The following LIFR variants were observed in gnomAD, a reference collection of about 807,000 sequenced individuals.
LIFR encodes the protein leukemia inhibitory factor receptor.
A neutral mutation model predicts 122.2 loss-of-function variants in LIFR; 84 were observed. The observed-to-expected ratio is 0.69, with a 90% CI of 0.58 to 0.82. The LOEUF (loss-of-function observed/expected upper bound fraction) is 0.82. LIFR is among the 40% of genes least tolerant of loss of function. LIFR has a pLI of 0.00. For synonymous variants in LIFR, 422 were observed against 434.7 expected (o/e 0.97, Z 0.36); for missense variants, 1,294 against 1,311.6 (o/e 0.99, Z 0.21).
chr5:38,515,237 G>A (rs1051118484), intron 5 of LIFR, among the ~76,000 whole-genome samples: 5 of 152,146 alleles, frequency 3.3e-5, no homozygotes, highest in African/African-American at 1.2e-4. Flanking sequence ...CTGGCCACAA[G>A]CGGTCTCGGC....
Position 38,496,614 on chromosome 5 carries a change from T to C in LIFR, c.1672-19A>G, listed in dbSNP as rs1184455315. On this transcript the variant is annotated intron_variant, in intron 12 of 19. Coordinates refer to ENST00000453190, the MANE Select transcript of LIFR (RefSeq NM_001127671.2). ...GTAAAGGCTATGAAAAACAGACAAATTGTTATAAAACCCTGCAAAACGTGA... is the reference window on the plus strand; with the variant it reads ...GTAAAGGCTATGAAAAACAGACAAACTGTTATAAAACCCTGCAAAACGTGA... 3 of 1,569,276 alleles carry C rather than the reference T, an allele frequency of 1.9e-6. No individual in the cohort carries two copies. In the South Asian group the frequency reaches 3.3e-5, roughly 17 times the overall value.
intron 1 of LIFR, among the ~76,000 whole-genome samples, chr5:38,551,446 C>T (rs2112653368): frequency 6.6e-6 from 1 of 152,332 alleles, no homozygotes; most frequent in Non-Finnish European, 1.5e-5. Flanking sequence ...ATTTCTGTCA[C>T]CTCTTGCTAT....
intron 1 of LIFR, among the ~76,000 whole-genome samples, chr5:38,553,668 A>ATATT (rs1748359781): frequency 8.9e-6 from 1 of 111,766 alleles, no homozygotes; most frequent in Non-Finnish European, 1.8e-5. Flanking sequence ...ATATATATAT[A>ATATT]TATATTATAT....
intron 9 of LIFR, 59 bp downstream of exon 9, chr5:38,505,846 T>A: frequency 8.6e-7 from 1 of 1,167,194 alleles, no homozygotes; most frequent in Admixed American, 2.0e-5. Flanking sequence ...GCATTTTTCA[T>A]TAAAGCATTT....
chr5:38,606,931 A>G (rs1750341439), intron 1 of LIFR, among the ~76,000 whole-genome samples: 5 of 152,226 alleles, frequency 3.3e-5, no homozygotes, highest in Admixed American at 3.3e-4. Flanking sequence ...AGAATTAATT[A>G]GTATTTATTA....
chr5:38,602,961 A>G (rs1419547850), intron 2 of LIFR, among the ~76,000 whole-genome samples: 1 of 152,192 alleles, frequency 6.6e-6, no homozygotes, highest in Non-Finnish European at 1.5e-5. Flanking sequence ...ACCACTGGAG[A>G]AGGGAAGAGA....
At chr5:38,538,992 G>A (rs1417496284) in intron 1 of LIFR, among the ~76,000 whole-genome samples, 2 of 151,428 alleles carry the variant, frequency 1.3e-5, no homozygotes, top group Non-Finnish European at 2.9e-5. Context: ...ACGGAGTCTC[G>A]CTCTGTCACC....
chr5:38,541,028 C>G (rs1343440027), intron 1 of LIFR, among the ~76,000 whole-genome samples: 1 of 152,110 alleles, frequency 6.6e-6, no homozygotes, highest in Non-Finnish European at 1.5e-5. Context: ...CAAAATAATT[C>G]AAAATTTTTT....
At position 38,485,764 on chromosome 5, in the gene LIFR, C is replaced by T. The variant is rs146189799; in HGVS notation, c.2497+55G>A. On this transcript the variant is annotated intron_variant, in intron 17 of 19. Coordinates refer to ENST00000453190, the MANE Select transcript of LIFR (RefSeq NM_001127671.2). ...GGGTTCCTACATAAACCAAGAATCACTAGAACACTACGCATGCAGGATGGA... is the reference window on the plus strand; with the variant it reads ...GGGTTCCTACATAAACCAAGAATCATTAGAACACTACGCATGCAGGATGGA... The T allele has an allele frequency of 3.1e-5, 50 of 1,594,852 alleles. No homozygotes were observed. In the East Asian group the frequency reaches 1.1e-3, roughly 34 times the overall value.
At chr5:38,484,654 AT>A (rs1049483137) in intron 18 of LIFR, 120 bp downstream of exon 18, 6 of 706,552 alleles carry the variant, frequency 8.5e-6, no homozygotes, top group East Asian at 8.4e-5. Context: ...TAATTAAAAC[AT>A]TTTTTAACTA....
chr5:38,607,393 T>C (rs887037710), intron 1 of LIFR, among the ~76,000 whole-genome samples: 4 of 152,184 alleles, frequency 2.6e-5, no homozygotes, highest in Non-Finnish European at 5.9e-5. Flanking sequence ...AATTATAAAA[T>C]CTTTTTTGTC....
At chr5:38,541,215 C>T (rs951464934) in intron 1 of LIFR, among the ~76,000 whole-genome samples, 1 of 152,154 alleles carries the variant, frequency 6.6e-6, no homozygotes, top group Non-Finnish European at 1.5e-5. Context: ...AAAAACATAA[C>T]AGCACCTAAA....
At chr5:38,494,018 G>A (rs974469009) in intron 13 of LIFR, among the ~76,000 whole-genome samples, 1 of 152,122 alleles carries the variant, frequency 6.6e-6, no homozygotes, top group South Asian at 2.1e-4. Flanking sequence ...AAAGAAAGTC[G>A]TTTTTAAAAA....
At chr5:38,598,225 T>TAA (rs1750147908), upstream of LIFR, among the ~76,000 whole-genome samples, 2 of 64,662 alleles carry the variant, frequency 3.1e-5, no homozygotes, top group African/African-American at 1.8e-4. Context: ...TTTTTTTTTT[T>TAA]TTTTTTTATT....
intron 4 of LIFR, among the ~76,000 whole-genome samples, chr5:38,524,548 T>G (rs566140806): frequency 1.3e-5 from 2 of 152,138 alleles, no homozygotes; most frequent in South Asian, 4.2e-4. Flanking sequence ...TTGGTTCTAA[T>G]GAAAAAGGGA....
At chr5:38,523,311 T>G (rs944191725) in intron 5 of LIFR, 108 bp downstream of exon 5, 1 of 846,870 alleles carries the variant, frequency 1.2e-6, no homozygotes, top group Non-Finnish European at 1.9e-6. Flanking sequence ...GGTATCTGAT[T>G]TACTTCCTAA....
intron 3 of LIFR, among the ~76,000 whole-genome samples, chr5:38,527,509 G>T (rs1273249775): frequency 6.6e-6 from 1 of 152,146 alleles, no homozygotes; most frequent in Admixed American, 6.5e-5. Context: ...ACCAAAAGTA[G>T]AATAAGCATA....
chr5:38,528,861 C>G, intron 2 of LIFR, 21 bp from the exon 3 acceptor site: 1 of 1,004,944 alleles, frequency 1.0e-6, no homozygotes, highest in Non-Finnish European at 1.5e-6. Context: ...CACACACACA[C>G]ACACACACAC....
At chr5:38,566,872 G>C (rs1042406094) in intron 1 of LIFR, among the ~76,000 whole-genome samples, 1 of 152,054 alleles carries the variant, frequency 6.6e-6, no homozygotes, top group Non-Finnish European at 1.5e-5. Flanking sequence ...TAAAAAAAAA[G>C]AAGAAAATCC....
Sources: gnomAD v4.1 joint callset for allele counts (sites outside exome capture counted in the v4.1 genomes callset) on GRCh38, gnomAD v4.1.1 for gene constraint, MANE v1.5 for transcripts, NCBI Gene and HGNC (gene_info 2026-07-23, HGNC 2026-07-21) for gene names.